FAM83B: variants seen among roughly 807,000 people sequenced by gnomAD.
FAM83B encodes protein FAM83B.
FAM83B carries 26 observed loss-of-function variants against 38.8 expected under a neutral mutation model. The observed-to-expected ratio is 0.67, with a 90% CI of 0.49 to 0.93. The LOEUF (loss-of-function observed/expected upper bound fraction) is 0.93. Among genes scored for constraint, FAM83B ranks in the 40% least tolerant of loss-of-function variants. The pLI is 0.00. For missense variants in FAM83B, 1,237 were observed against 1,197.3 expected (o/e 1.03, Z -0.49); for synonymous variants, 419 against 423.1 (o/e 0.99, Z 0.12).
At chr6:54,871,970 C>T (rs1771866768) in intron 2 of FAM83B, among the ~76,000 whole-genome samples, 1 of 151,962 alleles carries the variant, frequency 6.6e-6, no homozygotes, top group Admixed American at 6.6e-5. Context: ...CCTTGAATTC[C>T]TCAGTGACAT....
intron 4 of FAM83B, among the ~76,000 whole-genome samples, chr6:54,935,421 G>C: frequency 6.6e-6 from 1 of 152,110 alleles, no homozygotes; most frequent in East Asian, 1.9e-4. Context: ...GATCATAAAT[G>C]TCTTCTAAGA....
At chr6:54,928,690 C>T (rs1292847942) in intron 4 of FAM83B, among the ~76,000 whole-genome samples, 1 of 152,052 alleles carries the variant, frequency 6.6e-6, no homozygotes, top group Non-Finnish European at 1.5e-5. Context: ...TGTCCAGACC[C>T]ACTTGGTTTT....
At position 54,941,469 on chromosome 6, in the gene FAM83B, C is replaced by G. The variant is rs773777184; in HGVS notation, c.2498C>G (p.Ser833Cys). The change falls in exon 5 of 5, where the codon TCT becomes TGT. Residue 833 changes from serine (S) to cysteine (C), a missense_variant. Coordinates refer to ENST00000306858, the MANE Select transcript of FAM83B (RefSeq NM_001010872.3). ...KVDSSPRRKH[S>C]SSSNSQGSIH... ...GATTCATCTCCTAGAAGAAAGCATT[C>G]TTCCTCATCGAATTCTCAAGGCAGC... The G allele has an allele frequency of 6.2e-7, 1 of 1,613,758 alleles. No individual in the cohort carries two copies. Among genetic ancestry groups the G allele is most frequent in the East Asian group, 2.2e-5 (1 of 44,874 alleles).
intron 3 of FAM83B, among the ~76,000 whole-genome samples, chr6:54,926,900 T>A (rs1304233559): frequency 6.6e-6 from 1 of 151,874 alleles, no homozygotes; most frequent in Non-Finnish European, 1.5e-5. Context: ...CCCAGCTAAT[T>A]TTTTTTGTAT....
At chr6:54,881,256 C>T (rs1772124786) in intron 2 of FAM83B, among the ~76,000 whole-genome samples, 1 of 152,174 alleles carries the variant, frequency 6.6e-6, no homozygotes, top group Non-Finnish European at 1.5e-5. Context: ...TCTTACTCAT[C>T]CCTCTACCTC....
chr6:54,887,246 A>C, intron 2 of FAM83B, among the ~76,000 whole-genome samples: 1 of 152,184 alleles, frequency 6.6e-6, no homozygotes, highest in East Asian at 1.9e-4. Context: ...CTCCTTTTCC[A>C]AGGGTTCTGC....
At chr6:54,923,843 T>C (rs1773224073) in intron 2 of FAM83B, among the ~76,000 whole-genome samples, 2 of 151,782 alleles carry the variant, frequency 1.3e-5, no homozygotes, top group African/African-American at 4.8e-5. Context: ...TACTTTACTT[T>C]CTGTGCTATA....
intron 4 of FAM83B, among the ~76,000 whole-genome samples, chr6:54,938,388 T>C (rs1264238531): frequency 6.6e-6 from 1 of 152,192 alleles, no homozygotes; most frequent in East Asian, 1.9e-4. Context: ...TACCCAATAG[T>C]GGGATTGCTG....
chr6:54,880,694 C>T (rs567802581), intron 2 of FAM83B, among the ~76,000 whole-genome samples: 2 of 152,198 alleles, frequency 1.3e-5, no homozygotes, highest in East Asian at 1.9e-4. Flanking sequence ...CTGTCCGCCT[C>T]GGCCTCCCCA....
In FAM83B at chr6:54,942,917, T is replaced by G. The variant is rs2127592479; in HGVS notation, c.*910T>G. ...AAAATTCTTGCTCTTTTTTTTTTTCTTTTGAGATGGAGTCTCGCTCTGTCA... is the reference window on the plus strand; with the variant it reads ...AAAATTCTTGCTCTTTTTTTTTTTCGTTTGAGATGGAGTCTCGCTCTGTCA... On this transcript the variant is annotated 3_prime_UTR_variant, in exon 5 of 5. Transcript: ENST00000306858. Among the ~76,000 whole-genome samples the G allele has an allele frequency of 6.6e-6, 1 of 150,840 alleles. No individual in the cohort carries two copies. Among genetic ancestry groups the G allele is most frequent in the South Asian group, 2.1e-4 (1 of 4,758 alleles).
intron 4 of FAM83B, among the ~76,000 whole-genome samples, chr6:54,936,217 C>A (rs1773520487): frequency 6.6e-6 from 1 of 152,084 alleles, no homozygotes; most frequent in African/African-American, 2.4e-5. Context: ...AACTTTATTA[C>A]AATATTATTT....
intron 2 of FAM83B, among the ~76,000 whole-genome samples, chr6:54,899,777 C>T (rs971494842): frequency 1.3e-5 from 2 of 152,068 alleles, no homozygotes; most frequent in Non-Finnish European, 1.5e-5. Flanking sequence ...CATAAGAATT[C>T]GGGGAAACAC....
intron 2 of FAM83B, among the ~76,000 whole-genome samples, chr6:54,881,898 T>A (rs1185092538): frequency 6.6e-6 from 1 of 152,230 alleles, no homozygotes; most frequent in African/African-American, 2.4e-5. Flanking sequence ...TATCTCCTAA[T>A]GCTATCCCTC....
rs920922204 is a variant in FAM83B at position 54,926,391 on chromosome 6, T to C, written c.465T>C (p.Asp155=). The change falls in exon 3 of 5, where the codon GAT becomes GAC. Residue 155 remains aspartate, a synonymous_variant. Transcript: ENST00000306858. ...EARKVIALVM[D]IFTDVDIFKE... is the part of the protein sequence containing the mutation. Reference sequence around the variant, plus strand: ...AACAGGTCATTGCTTTAGTGATGGATATATTTACAGATGTGGACATTTTCA... The same window carrying C: ...AACAGGTCATTGCTTTAGTGATGGACATATTTACAGATGTGGACATTTTCA... The C allele has an allele frequency of 1.9e-6, 3 of 1,602,386 alleles. No individual in the cohort carries two copies. Among genetic ancestry groups the C allele is most frequent in the Non-Finnish European group, 2.6e-6 (3 of 1,172,868 alleles).
chr6:54,877,957 T>C (rs1772039101), intron 2 of FAM83B, among the ~76,000 whole-genome samples: 1 of 152,140 alleles, frequency 6.6e-6, no homozygotes, highest in South Asian at 2.1e-4. Flanking sequence ...AAGTATCATG[T>C]GGTTGTTATT....
chr6:54,926,131 G>T (rs1293849323), intron 2 of FAM83B, among the ~76,000 whole-genome samples: 1 of 152,086 alleles, frequency 6.6e-6, no homozygotes, highest in Non-Finnish European at 1.5e-5. Flanking sequence ...CTGAAATGCA[G>T]ATTTCCTTTA....
In FAM83B at chr6:54,942,583, A is replaced by G. The variant is rs1478288132; in HGVS notation, c.*576A>G. ...ATTTTTTATTTTTTTTTCTGCCTGA[A>G]GTGTTTGCAAAGTATCAGCCTCATG... On this transcript the variant is annotated 3_prime_UTR_variant, in exon 5 of 5. Transcript: ENST00000306858. Among the ~76,000 whole-genome samples, 1 of 151,624 alleles carries G rather than the reference A, an allele frequency of 6.6e-6. No individual in the cohort carries two copies. Among genetic ancestry groups the G allele is most frequent in the Non-Finnish European group, 1.5e-5 (1 of 67,984 alleles).
intron 1 of FAM83B, among the ~76,000 whole-genome samples, chr6:54,851,306 C>T (rs1335405827): frequency 6.6e-6 from 1 of 151,062 alleles, no homozygotes; most frequent in Non-Finnish European, 1.5e-5. Context: ...ATGTTTTTCT[C>T]TTCACTTACC....
At chr6:54,897,116 C>T (rs974141855) in intron 2 of FAM83B, among the ~76,000 whole-genome samples, 2 of 151,938 alleles carry the variant, frequency 1.3e-5, no homozygotes, top group Non-Finnish European at 2.9e-5. Context: ...CAAATTTCTT[C>T]CCTTGTCCTC....
Sources: gnomAD v4.1 joint callset for allele counts (sites outside exome capture counted in the v4.1 genomes callset) on GRCh38, gnomAD v4.1.1 for gene constraint, MANE v1.5 for transcripts, NCBI Gene and HGNC (gene_info 2026-07-23, HGNC 2026-07-21) for gene names.